Variants in RASSF6 observed in about 807,000 individuals in gnomAD.
RASSF6 encodes ras association domain-containing protein 6.
RASSF6 carries 52 observed loss-of-function variants against 44.0 expected under a neutral mutation model. The observed-to-expected ratio is 1.18, with a 90% CI of 0.95 to 1.49. RASSF6 has a LOEUF of 1.49. Among genes scored for constraint, RASSF6 ranks in the 40% most tolerant of loss-of-function variants. The pLI is 0.00. For synonymous variants in RASSF6, 162 were observed against 124.6 expected (o/e 1.30, Z -2.00); for missense variants, 464 against 393.3 (o/e 1.18, Z -1.52).
intron 3 of RASSF6, among the ~76,000 whole-genome samples, chr4:73,596,782 C>T (rs1040117970): frequency 6.6e-6 from 1 of 152,102 alleles, no homozygotes; most frequent in Non-Finnish European, 1.5e-5. Context: ...GACACACAGA[C>T]TGATGGAACA....
intron 6 of RASSF6, among the ~76,000 whole-genome samples, chr4:73,584,170 A>C (rs1723898159): frequency 6.6e-6 from 1 of 152,098 alleles, no homozygotes; most frequent in Non-Finnish European, 1.5e-5. Context: ...TTGAGAAGAG[A>C]GATTTCTCCC....
At chr4:73,593,337 A>G in intron 4 of RASSF6, 114 bp downstream of exon 4, 1 of 1,050,428 alleles carries the variant, frequency 9.5e-7, no homozygotes, top group Non-Finnish European at 1.4e-6. Context: ...ATTAAATGAG[A>G]TTGTGTGTAA....
chr4:73,602,429 A>G (rs184764493), intron 2 of RASSF6, among the ~76,000 whole-genome samples: 22 of 152,376 alleles, frequency 1.4e-4, no homozygotes, highest in African/African-American at 5.0e-4. Flanking sequence ...TCTAAAGTCC[A>G]GAAGGGACCT....
chr4:73,617,293 A>G (rs940984479), intron 1 of RASSF6, among the ~76,000 whole-genome samples: 1 of 152,224 alleles, frequency 6.6e-6, no homozygotes, highest in Non-Finnish European at 1.5e-5. Context: ...TTGCATATTT[A>G]CATGGTACTA....
Position 73,598,638 on chromosome 4 carries a change from A to C in RASSF6, c.144+2T>G, listed in dbSNP as rs2149385366. ...CGGATTGCCTTTCTTCAGTGGGCTT[A>C]CCTCTCCATATAAAATATGCAGATT... On this transcript the variant is annotated splice_donor_variant, in intron 3 of 10. Coordinates refer to ENST00000307439, the MANE Select transcript of RASSF6 (RefSeq NM_177532.5). LOFTEE classifies it high-confidence loss of function. 1 of 1,504,172 alleles carries C rather than the reference A, an allele frequency of 6.6e-7. No individual in the cohort carries two copies. The highest frequency in any genetic ancestry group is 1.2e-5 in the South Asian group (1 of 83,424). 93.2% of individuals were successfully genotyped at this position (1,504,172 alleles called of 1,614,324 possible).
intron 2 of RASSF6, among the ~76,000 whole-genome samples, chr4:73,602,199 C>A (rs1725320376): frequency 6.6e-6 from 1 of 152,190 alleles, no homozygotes; most frequent in Non-Finnish European, 1.5e-5. Flanking sequence ...ACTTGGAATT[C>A]ACTTCGCAGG....
At position 73,576,128 on chromosome 4, in the gene RASSF6, C is replaced by T. The variant is rs535751722; in HGVS notation, c.*107G>A. ...TTTTGACATTCAATTTTCTACGATT[C>T]AAGTCTCATATATGTTCGTATAAAT... On this transcript the variant is annotated 3_prime_UTR_variant, in exon 11 of 11. Transcript: ENST00000307439. The T allele has an allele frequency of 1.7e-6, 1 of 593,192 alleles. No individual in the cohort carries two copies. The highest frequency in any genetic ancestry group is 2.9e-5 in the East Asian group (1 of 34,628). 36.7% of individuals were successfully genotyped at this position (593,192 alleles called of 1,614,324 possible). A position where few individuals can be genotyped will look rare whatever the true frequency, so the allele number is the denominator to read the frequency against.
At chr4:73,577,061 A>C (rs1215047188) in intron 8 of RASSF6, among the ~76,000 whole-genome samples, 1 of 152,146 alleles carries the variant, frequency 6.6e-6, no homozygotes, top group Non-Finnish European at 1.5e-5. Context: ...TCATCCATAC[A>C]ACAAATATTT....
At position 73,585,282 on chromosome 4, in the gene RASSF6, A is replaced by C; in HGVS notation, c.465T>G (p.Ser155Arg). ...TCCTTTTTCTCACCAGAGCTGCTTC[A>C]CTCATGGTTCTATAGAGCACTGGGG... ...PDSPVLYRTM[S>R]EAALVRKRMK... is the part of the protein sequence containing the mutation. The change falls in exon 6 of 11, where the codon AGT (serine) becomes AGG (arginine). Residue 155 changes from serine (S) to arginine (R), a missense_variant. Coordinates refer to ENST00000307439, the MANE Select transcript of RASSF6 (RefSeq NM_177532.5). 1 of 1,612,692 alleles carries C rather than the reference A, an allele frequency of 6.2e-7. No individual in the cohort carries two copies. Among genetic ancestry groups the C allele is most frequent in the Non-Finnish European group, 8.5e-7 (1 of 1,179,120 alleles).
chr4:73,610,089 T>C (rs987973035), intron 2 of RASSF6, among the ~76,000 whole-genome samples: 1 of 152,184 alleles, frequency 6.6e-6, no homozygotes, highest in African/African-American at 2.4e-5. Flanking sequence ...GATCCTCAAC[T>C]GCAAACCTGC....
At chr4:73,606,859 C>A (rs1421131645) in intron 2 of RASSF6, among the ~76,000 whole-genome samples, 1 of 152,148 alleles carries the variant, frequency 6.6e-6, no homozygotes, top group Non-Finnish European at 1.5e-5. Flanking sequence ...TGAAGTCTTT[C>A]ATTTATTGTA....
rs142555062 is a variant in RASSF6, at chr4:73,587,900, G to A, written c.322C>T (p.Arg108Cys). 1.8e-4 allele frequency: 284 copies of A among 1,609,374 alleles called. No individual in the cohort carries two copies. The highest frequency in any genetic ancestry group is 2.3e-4 in the Non-Finnish European group (267 of 1,176,840). The change falls in exon 5 of 11, where the codon CGT becomes TGT. Residue 108 changes from arginine to cysteine, a missense_variant. Physicochemically the swap from Arg to Cys is radical, Grantham distance 180. Coordinates refer to ENST00000307439, the MANE Select transcript of RASSF6 (RefSeq NM_177532.5). ...TRWGEFDDLYRISELDRTQIP... is the reference protein window; with the variant it reads ...TRWGEFDDLYCISELDRTQIP... ...TGGGTCCTGTCCAGCTCACTAATACGATAGAGATCGTCAAATTCCCCCCAG... is the reference window on the plus strand; with the variant it reads ...TGGGTCCTGTCCAGCTCACTAATACAATAGAGATCGTCAAATTCCCCCCAG...
intron 5 of RASSF6, among the ~76,000 whole-genome samples, chr4:73,587,466 G>A (rs1175063144): frequency 3.3e-5 from 5 of 151,942 alleles, no homozygotes. Context: ...AGGTCTGATG[G>A]GCTTGGCCTA....
intron 1 of RASSF6, among the ~76,000 whole-genome samples, chr4:73,617,709 A>T (rs1460047234): frequency 6.6e-6 from 1 of 152,198 alleles, no homozygotes; most frequent in Non-Finnish European, 1.5e-5. Flanking sequence ...GGTATTAGTT[A>T]AGTTTGGTTG....
chr4:73,585,632 G>C (rs1042912911), intron 5 of RASSF6, among the ~76,000 whole-genome samples: 1 of 150,782 alleles, frequency 6.6e-6, no homozygotes, highest in African/African-American at 2.5e-5. Flanking sequence ...TTTGGGGTTT[G>C]GGCATTCCTT....
Position 73,611,816 on chromosome 4 carries a change from G to A in RASSF6, c.-21C>T. 6.2e-7 allele frequency: 1 copy of A among 1,601,330 alleles called. No individual in the cohort carries two copies. Among genetic ancestry groups the A allele is most frequent in the South Asian group, 1.1e-5 (1 of 90,670 alleles). On this transcript the variant is annotated 5_prime_UTR_variant, in exon 2 of 11. Transcript: ENST00000307439. ...GTCATCTTTTCCTCCTTTTTGAGAT[G>A]GTCTGAGGATATCCTAAACATGAGA...
At chr4:73,615,103 T>C (rs886237487) in intron 1 of RASSF6, among the ~76,000 whole-genome samples, 4 of 136,414 alleles carry the variant, frequency 2.9e-5, no homozygotes, top group African/African-American at 1.1e-4. Flanking sequence ...CACTTAAACC[T>C]GGGAGATGGA....
At chr4:73,580,605 G>A (rs1398265955) in intron 8 of RASSF6, among the ~76,000 whole-genome samples, 5 of 148,750 alleles carry the variant, frequency 3.4e-5, no homozygotes, top group Admixed American at 2.0e-4. Flanking sequence ...GTTTTGATTT[G>A]CATTTCTCTG....
chr4:73,607,318 T>A (rs2149393482), intron 2 of RASSF6, among the ~76,000 whole-genome samples: 1 of 152,302 alleles, frequency 6.6e-6, no homozygotes, highest in Middle Eastern at 3.4e-3. Context: ...AAGAGACATT[T>A]TCCCTGTGTC....
Sources: gnomAD v4.1 joint callset for allele counts (sites outside exome capture counted in the v4.1 genomes callset) on GRCh38, gnomAD v4.1.1 for gene constraint, MANE v1.5 for transcripts, NCBI Gene and HGNC (gene_info 2026-07-23, HGNC 2026-07-21) for gene names.